Variants in TFEC observed in about 807,000 individuals in gnomAD.
TFEC encodes the protein transcription factor EC, also known as class E basic helix-loop-helix protein 34.
Under a neutral mutation model 41.6 loss-of-function variants are expected in TFEC, and 31 were observed. The ratio of observed to expected loss-of-function variants is 0.74; its 90% CI spans 0.56 to 1.01. The LOEUF (loss-of-function observed/expected upper bound fraction) is 1.01, where lower values mean the gene tolerates loss of function less well. Ranked by LOEUF, TFEC falls within the 50% of genes least tolerant of loss-of-function variation. The pLI is 0.00. For missense variants in TFEC, 402 were observed against 404.1 expected, an observed-to-expected ratio of 0.99 and a Z score of 0.04; for synonymous variants, 143 against 140.6, an observed-to-expected ratio of 1.02 and a Z score of -0.12.
chr7:116,050,523 G>A (rs1219361168), intron 3 of TFEC, among the ~76,000 whole-genome samples: 1 of 152,204 alleles, frequency 6.6e-6, no homozygotes, highest in Non-Finnish European at 1.5e-5. Flanking sequence ...AGACATTTAT[G>A]CAGCCAACAG....
At chr7:116,049,331 T>C (rs1220403842) in intron 3 of TFEC, among the ~76,000 whole-genome samples, 2 of 152,192 alleles carry the variant, frequency 1.3e-5, no homozygotes, top group Non-Finnish European at 2.9e-5. Context: ...GTTGCAATCC[T>C]AGTCTCTGAT....
chr7:116,003,097 A>T (rs1168422491), intron 1 of TFEC, among the ~76,000 whole-genome samples: 2 of 152,150 alleles, frequency 1.3e-5, no homozygotes, highest in Admixed American at 1.3e-4. Context: ...ATCAATGGAC[A>T]TCAATGGTTT....
intron 3 of TFEC, among the ~76,000 whole-genome samples, chr7:116,054,344 T>C (rs569941201): frequency 6.6e-6 from 1 of 152,248 alleles, no homozygotes; most frequent in East Asian, 1.9e-4. Flanking sequence ...GAAGTGTATA[T>C]ATTTGGAATG....
chr7:115,947,605 T>C lies in TFEC; in HGVS notation c.515+3269A>G, dbSNP rs1259303351. Among the ~76,000 whole-genome samples, 3 of 151,418 alleles carry C rather than the reference T, an allele frequency of 2.0e-5. No individual in the cohort carries two copies. In the East Asian group the frequency reaches 5.9e-4, roughly 30 times the overall value. ...TGTTGTTTCCTGACTTTTTAATGATTGCCATTCTAACTGGTGTGAGATGGT... is the reference window on the plus strand; with the variant it reads ...TGTTGTTTCCTGACTTTTTAATGATCGCCATTCTAACTGGTGTGAGATGGT... On this transcript the variant is annotated intron_variant, in intron 6 of 7. Transcript: ENST00000265440.
chr7:116,027,539 G>T (rs77650741), intron 1 of TFEC, among the ~76,000 whole-genome samples: 2,523 of 152,262 alleles, frequency 0.017, 34 homozygotes, highest in Non-Finnish European at 0.025. Context: ...CGAGGCTGCA[G>T]TGGGTCCTGA....
intron 1 of TFEC, among the ~76,000 whole-genome samples, chr7:116,021,061 T>A (rs1260616140): frequency 6.6e-6 from 1 of 152,210 alleles, no homozygotes; most frequent in Non-Finnish European, 1.5e-5. Flanking sequence ...TATGGTGTTA[T>A]TTTTGTCTTG....
intron 3 of TFEC, among the ~76,000 whole-genome samples, chr7:116,079,196 A>G (rs565450562): frequency 6.6e-6 from 1 of 152,248 alleles, no homozygotes; most frequent in South Asian, 2.1e-4. Flanking sequence ...AATAAAAGCC[A>G]TCTACTACAA....
At chr7:115,962,465 T>G (rs1792606533) in intron 3 of TFEC, among the ~76,000 whole-genome samples, 1 of 151,800 alleles carries the variant, frequency 6.6e-6, no homozygotes, top group Non-Finnish European at 1.5e-5. Context: ...TATCTAAATC[T>G]GTGCTAGTGT....
At chr7:116,111,346 A>T (rs1323014647) in intron 2 of TFEC, among the ~76,000 whole-genome samples, 3 of 152,192 alleles carry the variant, frequency 2.0e-5, no homozygotes, top group African/African-American at 7.2e-5. Context: ...ATATTAAAAT[A>T]TGTCAAAAGG....
chr7:116,144,084 G>T (rs1388235208), intron 1 of TFEC, among the ~76,000 whole-genome samples: 2 of 152,128 alleles, frequency 1.3e-5, no homozygotes, highest in African/African-American at 4.8e-5. Context: ...CAGGTATGGT[G>T]GCACACGCCT....
intron 4 of TFEC, among the ~76,000 whole-genome samples, chr7:115,956,093 G>T (rs1362197141): frequency 2.0e-5 from 3 of 151,856 alleles, no homozygotes; most frequent in Non-Finnish European, 4.4e-5. Flanking sequence ...CTTTGACCCT[G>T]GGTTGATTTC....
intron 3 of TFEC, among the ~76,000 whole-genome samples, chr7:116,087,942 T>C (rs1418332784): frequency 6.6e-6 from 1 of 152,124 alleles, no homozygotes; most frequent in Non-Finnish European, 1.5e-5. Flanking sequence ...TAATGTGAAA[T>C]AGTATTATTC....
chr7:116,023,291 A>G (rs535854138), intron 1 of TFEC, among the ~76,000 whole-genome samples: 1 of 152,338 alleles, frequency 6.6e-6, no homozygotes, highest in South Asian at 2.1e-4. Flanking sequence ...TATCTGAAAG[A>G]TAAGACTCAT....
chr7:116,082,437 C>T (rs1044823871), intron 3 of TFEC, among the ~76,000 whole-genome samples: 4 of 151,976 alleles, frequency 2.6e-5, no homozygotes, highest in African/African-American at 9.7e-5. Flanking sequence ...CTCACCAGAA[C>T]TATTTTGCCA....
chr7:116,044,706 C>T (rs1297030377), intron 3 of TFEC, among the ~76,000 whole-genome samples: 2 of 152,224 alleles, frequency 1.3e-5, no homozygotes, highest in Non-Finnish European at 2.9e-5. Flanking sequence ...TTTTCTTCAG[C>T]ATCTTGACTG....
chr7:116,132,607 G>T (rs1173041198), intron 1 of TFEC, among the ~76,000 whole-genome samples: 1 of 152,178 alleles, frequency 6.6e-6, no homozygotes, highest in African/African-American at 2.4e-5. Flanking sequence ...TGGTGCCACG[G>T]CCTTCATTCA....
At chr7:116,140,256 T>G (rs1193567863) in intron 1 of TFEC, among the ~76,000 whole-genome samples, 11 of 152,168 alleles carry the variant, frequency 7.2e-5, no homozygotes, top group Non-Finnish European at 2.9e-5. Context: ...ATCAGATAAG[T>G]GAAAGAAATG....
intron 1 of TFEC, among the ~76,000 whole-genome samples, chr7:116,013,765 A>G (rs1191009755): frequency 1.3e-5 from 2 of 152,150 alleles, no homozygotes. Flanking sequence ...AAACAAACAA[A>G]TATGAATCAA....
chr7:115,987,128 T>A (rs1334877527), intron 1 of TFEC, among the ~76,000 whole-genome samples: 4 of 152,196 alleles, frequency 2.6e-5, no homozygotes, highest in Admixed American at 2.6e-4. Context: ...AATTATTGAT[T>A]ATCTGTGAGG....
Sources: allele counts gnomAD v4.1 joint callset (sites outside exome capture counted in the v4.1 genomes callset), GRCh38; gene constraint gnomAD v4.1.1; transcripts MANE v1.5; gene names NCBI Gene and HGNC (gene_info 2026-07-23, HGNC 2026-07-21).